CRB1: variants seen among roughly 807,000 people sequenced by gnomAD.
CRB1 encodes crumbs cell polarity complex component 1.
CRB1 carries 83 observed loss-of-function variants against 120.0 expected under a neutral mutation model. The observed-to-expected ratio is 0.69, with a 90% CI of 0.58 to 0.83. The LOEUF is 0.83. Among genes scored for constraint, CRB1 ranks in the 40% least tolerant of loss-of-function variants. The pLI is 0.00. For missense variants in CRB1, 1,699 were observed against 1,687.6 expected, an observed-to-expected ratio of 1.01 and a Z score of -0.12; for synonymous variants, 625 against 612.5, an observed-to-expected ratio of 1.02 and a Z score of -0.30.
In CRB1 at chr1:197,429,436, C is replaced by A. The variant is rs375534951; in HGVS notation, c.2677-13C>A. 5.6e-6 allele frequency: 9 copies of A among 1,613,834 alleles called. No individual in the cohort carries two copies. The African/African-American group carries it at 9.3e-5, about 17-fold the overall frequency. On this transcript the variant is annotated splice_polypyrimidine_tract_variant and intron_variant, in intron 7 of 11. Coordinates refer to ENST00000367400, the MANE Select transcript of CRB1 (RefSeq NM_201253.3). ...CCAGTGCTTTTTATACCTTTGATTT[C>A]TTTTCTGCTCAGTCCAACCCCTGTC...
At chr1:197,357,094 C>A in intron 5 of CRB1, 81 bp downstream of exon 5, 1 of 1,390,108 alleles carries the variant, frequency 7.2e-7, no homozygotes, top group Non-Finnish European at 1.0e-6. Context: ...GGTGTATTAG[C>A]AGGAAGAGCT....
At chr1:197,449,497 G>A (rs2125526518) in intron 11 of CRB1, among the ~76,000 whole-genome samples, 1 of 152,202 alleles carries the variant, frequency 6.6e-6, no homozygotes, top group East Asian at 1.9e-4. Context: ...CTCTCAAGTA[G>A]GTGGGATTAC....
chr1:197,273,446 T>C lies in CRB1; in HGVS notation c.70+4964T>C, dbSNP rs1655016697. On this transcript the variant is annotated intron_variant, in intron 1 of 11. Transcript: ENST00000367400. ...TATAAAGTTATGTCTTTTATTCTTCTCCATACTGTACTCTTAGAAAAGGAA... is the reference window on the plus strand; with the variant it reads ...TATAAAGTTATGTCTTTTATTCTTCCCCATACTGTACTCTTAGAAAAGGAA... 8.5e-5 allele frequency among the ~76,000 whole-genome samples: 13 copies of C among 152,118 alleles called. 1 individual carries two copies. The South Asian group carries it at 2.7e-3, about 31-fold the overall frequency.
chr1:197,419,732 T>C (rs1664187088), intron 5 of CRB1, among the ~76,000 whole-genome samples: 1 of 145,690 alleles, frequency 6.9e-6, no homozygotes, highest in African/African-American at 2.6e-5. Flanking sequence ...CCCAGCACTT[T>C]GGGAGGCCGA....
Position 197,421,395 on chromosome 1 carries a change from C to G in CRB1, c.1567C>G (p.Leu523Val). The G allele has an allele frequency of 6.2e-7, 1 of 1,614,226 alleles. No homozygotes were observed. Among genetic ancestry groups the G allele is most frequent in the Non-Finnish European group, 8.5e-7 (1 of 1,180,044 alleles). Residue 523 changes from leucine (L) to valine (V), a missense_variant, in exon 6 of 12, where the codon CTA (leucine) becomes GTA (valine). Physicochemically the swap from Leu to Val is conservative, Grantham distance 32. Transcript: ENST00000367400. The part of the protein sequence containing the change: ...RFQTVQPMAL[L>V]LFRSNRDVFV... ...TCAGACTGTTCAGCCAATGGCTCTT[C>G]TACTTTTCCGAAGCAACAGGGATGT...
the CRB1 span, among the ~76,000 whole-genome samples, chr1:197,236,309 C>T: frequency 1.3e-5 from 2 of 150,538 alleles, no homozygotes; most frequent in Non-Finnish European, 2.9e-5. Flanking sequence ...AAGCGATTCT[C>T]CCGCCTCAGC....
At chr1:197,339,935 A>T (rs924514662) in intron 2 of CRB1, among the ~76,000 whole-genome samples, 3 of 152,162 alleles carry the variant, frequency 2.0e-5, no homozygotes, top group Non-Finnish European at 4.4e-5. Flanking sequence ...GAGGTGGTTG[A>T]TTATTCCATA....
intron 11 of CRB1, among the ~76,000 whole-genome samples, chr1:197,464,778 C>A (rs1354111933): frequency 1.3e-5 from 2 of 152,044 alleles, no homozygotes; most frequent in African/African-American, 4.8e-5. Context: ...GTATGAATAG[C>A]AAATTATAGA....
chr1:197,220,049 T>G, the CRB1 span, among the ~76,000 whole-genome samples: 32 of 152,328 alleles, frequency 2.1e-4, no homozygotes, highest in East Asian at 1.7e-3. Flanking sequence ...ATAATTTTTT[T>G]TGTGTGTTTT....
chr1:197,405,716 C>T (rs1240486521), intron 5 of CRB1, among the ~76,000 whole-genome samples: 4 of 152,022 alleles, frequency 2.6e-5, no homozygotes, highest in Admixed American at 1.3e-4. Flanking sequence ...AGGAGCGTCT[C>T]TGCCCAGCCG....
chr1:197,310,479 G>A (rs369262735), intron 1 of CRB1, among the ~76,000 whole-genome samples: 10 of 152,238 alleles, frequency 6.6e-5, no homozygotes, highest in Admixed American at 1.3e-4. Context: ...GAAAAGGAAC[G>A]TCAAGGTAAG....
intron 5 of CRB1, among the ~76,000 whole-genome samples, chr1:197,420,534 G>C (rs887822260): frequency 2.0e-5 from 3 of 152,128 alleles, no homozygotes; most frequent in African/African-American, 7.2e-5. Context: ...AGGAATTATG[G>C]GGAAGTATAA....
chr1:197,433,291 G>A (rs1431748917), intron 8 of CRB1, among the ~76,000 whole-genome samples: 2 of 152,118 alleles, frequency 1.3e-5, no homozygotes, highest in East Asian at 1.9e-4. Context: ...GATCTGCAGA[G>A]CAGTAGAAGC....
At chr1:197,317,785 A>C (rs1657941768) in intron 1 of CRB1, among the ~76,000 whole-genome samples, 1 of 152,226 alleles carries the variant, frequency 6.6e-6, no homozygotes, top group African/African-American at 2.4e-5. Context: ...GGTAAACTGC[A>C]TATGCACATG....
Position 197,427,958 on chromosome 1 carries a change from T to C in CRB1, c.2633T>C (p.Leu878Pro), listed in dbSNP as rs1664683100. ...PTNNASLNPV[L>P]VNVTQGCAGD... ...AACAATGCATCTCTCAATCCAGTTC[T>C]TGTCAATGTAACCCAAGGCTGTGCT... The change falls in exon 7 of 12, where the codon CTT becomes CCT. Residue 878 changes from leucine (L) to proline (P), a missense_variant. Physicochemically the swap from Leu to Pro is moderately conservative, Grantham distance 98. Coordinates refer to ENST00000367400, the MANE Select transcript of CRB1 (RefSeq NM_201253.3). 5 of 1,614,024 alleles carry C rather than the reference T, an allele frequency of 3.1e-6. No individual in the cohort carries two copies. The highest frequency in any genetic ancestry group is 4.2e-6 in the Non-Finnish European group (5 of 1,179,978).
intron 11 of CRB1, among the ~76,000 whole-genome samples, chr1:197,467,065 G>A (rs1027013263): frequency 1.3e-5 from 2 of 152,144 alleles, no homozygotes; most frequent in African/African-American, 2.4e-5. Flanking sequence ...GTGTAGAGCA[G>A]AGAGAAATAA....
At chr1:197,216,190 G>T in the CRB1 span, among the ~76,000 whole-genome samples, 1 of 152,050 alleles carries the variant, frequency 6.6e-6, no homozygotes. Context: ...ATAGTTTCAG[G>T]TTAGTCATTT....
At chr1:197,434,609 A>G in intron 8 of CRB1, 97 bp from the exon 9 acceptor site, 3 of 1,093,512 alleles carry the variant, frequency 2.7e-6, no homozygotes, top group Non-Finnish European at 4.1e-6. Context: ...GTCAATATGC[A>G]ATGTTATTAA....
chr1:197,432,357 A>AACACACACACACAC (rs35921087), intron 8 of CRB1, among the ~76,000 whole-genome samples: 3 of 139,770 alleles, frequency 2.1e-5, no homozygotes, highest in Non-Finnish European at 4.6e-5. Context: ...ACCTGGTTGA[A>AACACACACACACAC]ACACACACAC....
Sources: gnomAD v4.1 joint callset for allele counts (sites outside exome capture counted in the v4.1 genomes callset) on GRCh38, gnomAD v4.1.1 for gene constraint, MANE v1.5 for transcripts, NCBI Gene and HGNC (gene_info 2026-07-23, HGNC 2026-07-21) for gene names.